Variants in DIAPH1 observed in about 807,000 individuals in gnomAD.
DIAPH1 encodes protein diaphanous homolog 1.
DIAPH1 carries 46 observed loss-of-function variants against 140.7 expected under a neutral mutation model. That is an observed-to-expected ratio of 0.33 (90% confidence interval 0.26 to 0.42). DIAPH1 has a LOEUF of 0.42. Ranked by LOEUF, DIAPH1 falls within the 10% of genes least tolerant of loss-of-function variation. The pLI, the probability that DIAPH1 is intolerant of heterozygous loss-of-function variation, is 1.00. For synonymous variants in DIAPH1, 565 were observed against 551.6 expected (o/e 1.02, Z -0.34); for missense variants, 1,310 against 1,558.7 (o/e 0.84, Z 2.69).
chr5:141,519,682 T>C (rs1338846214), intron 27 of DIAPH1, among the ~76,000 whole-genome samples: 2 of 152,186 alleles, frequency 1.3e-5, no homozygotes, highest in African/African-American at 4.8e-5. Context: ...AAATTTCCCT[T>C]TTAAGCCTTG....
intron 1 of DIAPH1, among the ~76,000 whole-genome samples, chr5:141,615,114 T>A (rs1259139787): frequency 6.6e-6 from 1 of 152,156 alleles, no homozygotes; most frequent in Non-Finnish European, 1.5e-5. Flanking sequence ...AAAATTAAAC[T>A]AATTTTAATA....
At chr5:141,616,279 G>A (rs1450670955) in intron 1 of DIAPH1, among the ~76,000 whole-genome samples, 1 of 152,150 alleles carries the variant, frequency 6.6e-6, no homozygotes, top group South Asian at 2.1e-4. Flanking sequence ...CAGTTAATCC[G>A]TATTTAGAAC....
intron 2 of DIAPH1, 114 bp downstream of exon 2, chr5:141,588,110 G>A: frequency 1.2e-6 from 1 of 865,726 alleles, no homozygotes; most frequent in Non-Finnish European, 2.0e-6. Context: ...GAGATACTGA[G>A]TAGAAGCCAT....
At chr5:141,521,709 A>G (rs899763492) in intron 27 of DIAPH1, among the ~76,000 whole-genome samples, 1 of 152,350 alleles carries the variant, frequency 6.6e-6, no homozygotes, top group East Asian at 1.9e-4. Flanking sequence ...CAAAGCAATC[A>G]GCCAAGAGGA....
chr5:141,545,194 T>C (rs1231993905), intron 18 of DIAPH1, among the ~76,000 whole-genome samples: 2 of 152,230 alleles, frequency 1.3e-5, no homozygotes, highest in Non-Finnish European at 2.9e-5. Flanking sequence ...AGGAACTTTT[T>C]GGAGTGACTG....
At position 141,574,015 on chromosome 5, in the gene DIAPH1, G is replaced by A. The variant is rs1421185830; in HGVS notation, c.1835C>T (p.Pro612Leu). ...AGGAGGTGGAGGAGGAGGAGGAGGA[G>A]GAGGAGGAGGAGGAGTGGTACTATC... The part of the protein sequence containing the change: ...PGDSTTPPPP[P>L]PPPPPPPPLP... The change falls in exon 16 of 28, where the codon CCT becomes CTT. Residue 612 changes from proline to leucine, a missense_variant. By Grantham distance (98) the Pro-to-Leu change is moderately conservative (BLOSUM62 -3). Coordinates refer to ENST00000389054, the MANE Select transcript of DIAPH1 (RefSeq NM_005219.5). 3 of 1,560,906 alleles carry A rather than the reference G, an allele frequency of 1.9e-6. No individual in the cohort carries two copies. The highest frequency in any genetic ancestry group is 2.6e-6 in the Non-Finnish European group (3 of 1,153,036).
chr5:141,576,256 C>T lies in DIAPH1; in HGVS notation c.1435G>A (p.Ala479Thr). The change falls in exon 14 of 28, where the codon GCC (alanine) becomes ACC (threonine). Residue 479 changes from alanine to threonine, a missense_variant. By Grantham distance (58) the Ala-to-Thr change is moderately conservative. This residue lies in a region of DIAPH1 where 589 missense variants were observed against 549.3 expected (regional missense o/e 1.07). Transcript: ENST00000389054. ...IDKTKVEKSE[A>T]KAAELEKKLD... The stretch of plus-strand genomic sequence containing the variant: ...TTCTTTTCCAGCTCTGCAGCTTTGG[C>T]TTCAGATTTCTCCACCTTTGTCTTA... 1 of 1,614,090 alleles carries T rather than the reference C, an allele frequency of 6.2e-7. No homozygotes were observed.
intron 26 of DIAPH1, among the ~76,000 whole-genome samples, chr5:141,525,646 C>T (rs2099887219): frequency 6.6e-6 from 1 of 151,924 alleles, no homozygotes; most frequent in Non-Finnish European, 1.5e-5. Context: ...GGAAGACACG[C>T]CACAATTAAA....
At position 141,580,870 on chromosome 5, in the gene DIAPH1, G is replaced by C. The variant is rs1255961566; in HGVS notation, c.698C>G (p.Thr233Ser). 1 of 1,614,214 alleles carries C rather than the reference G, an allele frequency of 6.2e-7. No homozygotes were observed. Among genetic ancestry groups the C allele is most frequent in the Non-Finnish European group, 8.5e-7 (1 of 1,180,038 alleles). The change falls in exon 8 of 28, where the codon ACC becomes AGC. Residue 233 changes from threonine (T) to serine (S), a missense_variant. Coordinates refer to ENST00000389054, the MANE Select transcript of DIAPH1 (RefSeq NM_005219.5). ...AFMNNKFGIK[T>S]MLETEEGILL... ...GATTCCTTCTTCTGTCTCCAACATGGTCTTGATTCCAAACTGGTAGGACCA... is the reference window on the plus strand; with the variant it reads ...GATTCCTTCTTCTGTCTCCAACATGCTCTTGATTCCAAACTGGTAGGACCA...
At chr5:141,583,091 G>A in intron 6 of DIAPH1, 115 bp downstream of exon 6, 1 of 918,338 alleles carries the variant, frequency 1.1e-6, no homozygotes, top group Non-Finnish European at 1.8e-6. Flanking sequence ...TTGGCTAACA[G>A]TACATTCCCC....
At chr5:141,519,464 C>T (rs2099886195) in intron 27 of DIAPH1, among the ~76,000 whole-genome samples, 3 of 152,116 alleles carry the variant, frequency 2.0e-5, no homozygotes, top group Non-Finnish European at 2.9e-5. Flanking sequence ...AACACTGGGC[C>T]ACTTGTCCTG....
intron 18 of DIAPH1, among the ~76,000 whole-genome samples, chr5:141,542,028 CA>C (rs1408219383): frequency 6.6e-6 from 1 of 152,198 alleles, no homozygotes; most frequent in Non-Finnish European, 1.5e-5. Context: ...TGTGACCTAG[CA>C]AATCCACTCC....
At chr5:141,594,144 A>G (rs2099898925) in intron 1 of DIAPH1, among the ~76,000 whole-genome samples, 1 of 152,172 alleles carries the variant, frequency 6.6e-6, no homozygotes, top group East Asian at 1.9e-4. Context: ...AAATGGTACA[A>G]CCACTTTCGA....
intron 18 of DIAPH1, among the ~76,000 whole-genome samples, chr5:141,566,659 C>T (rs1342062877): frequency 6.6e-6 from 1 of 152,118 alleles, no homozygotes; most frequent in African/African-American, 2.4e-5. Flanking sequence ...CTTTGGGAGG[C>T]CAAGATGGGT....
rs547625012 is a variant in DIAPH1 at position 141,612,939 on chromosome 5, T to C, written c.117+5859A>G. Among the ~76,000 whole-genome samples the C allele has an allele frequency of 1.5e-3, 229 of 152,318 alleles. 1 individual carries two copies. Among genetic ancestry groups the C allele is most frequent in the Admixed American group, 4.1e-3 (63 of 15,288 alleles). On this transcript the variant is annotated intron_variant, in intron 1 of 27. Transcript: ENST00000389054. ...AAAATGGTTTATAAATCATCCTGTC[T>C]TGGGTCCTTACAGTATTTTAAATCT...
chr5:141,531,846 C>G (rs374475593), intron 19 of DIAPH1, among the ~76,000 whole-genome samples: 15 of 152,232 alleles, frequency 9.9e-5, no homozygotes, highest in African/African-American at 3.6e-4. Flanking sequence ...AGTTTCAGGC[C>G]CTGATCACAT....
chr5:141,568,292 A>C lies in DIAPH1; in HGVS notation c.2482+3136T>G, dbSNP rs181943269. On this transcript the variant is annotated intron_variant, in intron 18 of 27. Coordinates refer to ENST00000389054, the MANE Select transcript of DIAPH1 (RefSeq NM_005219.5). ...ATGCTCCCTTGGAGAAAATGAAACA[A>C]AAAAAAAAAAAAAGAAATTTAACTA... Among the ~76,000 whole-genome samples the C allele has an allele frequency of 2.8e-4, 39 of 137,644 alleles. No homozygotes were observed. In the East Asian group the frequency reaches 5.3e-3, roughly 19 times the overall value. 90.3% of individuals were successfully genotyped at this position (137,644 alleles called of 152,430 possible). A position where few individuals can be genotyped will look rare whatever the true frequency, so the allele number is the denominator to read the frequency against.
At chr5:141,536,301 CA>C (rs944435351) in intron 18 of DIAPH1, among the ~76,000 whole-genome samples, 1 of 151,924 alleles carries the variant, frequency 6.6e-6, no homozygotes, top group African/African-American at 2.4e-5. Context: ...GAACCTGTCT[CA>C]AAAAAATTCA....
rs1185711947 is a variant in DIAPH1, at chr5:141,524,412, T to TA, written c.3575-184dup. On this transcript the variant is annotated intron_variant, in intron 26 of 27. Coordinates refer to ENST00000389054, the MANE Select transcript of DIAPH1 (RefSeq NM_005219.5). ...CACGCTCATGTTTACTTGTATCTGC[T>TA]AAAAAATGGTTAAAACAAAAGATCT... The TA allele has an allele frequency of 1.7e-5, 11 of 659,182 alleles. No individual in the cohort carries two copies. The East Asian group carries it at 2.8e-4, about 17-fold the overall frequency. 40.8% of individuals were successfully genotyped at this position (659,182 alleles called of 1,614,324 possible).
Sources: allele counts gnomAD v4.1 joint callset (sites outside exome capture counted in the v4.1 genomes callset), GRCh38; gene constraint gnomAD v4.1.1; regional missense constraint gnomAD v4.1.1; transcripts MANE v1.5; gene names NCBI Gene and HGNC (gene_info 2026-07-23, HGNC 2026-07-21).